The following RCBTB1 variants were observed in gnomAD, a reference collection of about 807,000 sequenced individuals.
RCBTB1 encodes RCC1 and BTB domain-containing protein 1.
RCBTB1 carries 46 observed loss-of-function variants against 62.4 expected under a neutral mutation model. The ratio of observed to expected loss-of-function variants is 0.74; its 90% CI spans 0.58 to 0.94. The LOEUF is 0.94. Ranked by LOEUF, RCBTB1 falls within the 40% of genes least tolerant of loss-of-function variation. RCBTB1 has a pLI of 0.00. For synonymous variants in RCBTB1, 222 were observed against 245.8 expected (o/e 0.90, Z 0.91); for missense variants, 565 against 654.9 (o/e 0.86, Z 1.50).
At chr13:49,557,548 T>TA (rs1374821389) in intron 5 of RCBTB1, among the ~76,000 whole-genome samples, 15 of 146,766 alleles carry the variant, frequency 1.0e-4, no homozygotes, top group South Asian at 2.2e-4. Flanking sequence ...ATGGGGTCAC[T>TA]AAAAAAAAAA....
At chr13:49,560,873 G>T (rs752811095) in intron 4 of RCBTB1, among the ~76,000 whole-genome samples, 6 of 152,130 alleles carry the variant, frequency 3.9e-5, no homozygotes, top group Non-Finnish European at 7.3e-5. Context: ...CCAAATGGGG[G>T]AGACACACAG....
chr13:49,539,835 G>A (rs1407434727), intron 12 of RCBTB1, among the ~76,000 whole-genome samples: 2 of 152,100 alleles, frequency 1.3e-5, no homozygotes, highest in Non-Finnish European at 2.9e-5. Flanking sequence ...TCAGAATATA[G>A]CCTCAAACAA....
At chr13:49,568,451 C>T (rs909571365) in intron 2 of RCBTB1, among the ~76,000 whole-genome samples, 4 of 152,170 alleles carry the variant, frequency 2.6e-5, no homozygotes, top group Non-Finnish European at 5.9e-5. Context: ...AGCTATTTTA[C>T]TGTTACTAGC....
intron 6 of RCBTB1, among the ~76,000 whole-genome samples, chr13:49,552,740 A>G (rs1961488498): frequency 6.6e-6 from 1 of 152,096 alleles, no homozygotes; most frequent in South Asian, 2.1e-4. Context: ...AGATTAAGGA[A>G]GACTTTTCAA....
Position 49,566,775 on chromosome 13 carries a change from A to G in RCBTB1, c.127-7T>C. The G allele has an allele frequency of 6.3e-7, 1 of 1,594,648 alleles. No individual in the cohort carries two copies. Among genetic ancestry groups the G allele is most frequent in the Non-Finnish European group, 8.5e-7 (1 of 1,173,246 alleles). The stretch of plus-strand genomic sequence containing the variant: ...TCAGTCCAAATACAAAGACCTAGAA[A>G]ATAGATAGTTTTTTTTCTGAGTCTT... On this transcript the variant is annotated splice_region_variant and splice_polypyrimidine_tract_variant and intron_variant, in intron 3 of 12. Coordinates refer to ENST00000378302, the MANE Select transcript of RCBTB1 (RefSeq NM_018191.4).
intron 6 of RCBTB1, among the ~76,000 whole-genome samples, chr13:49,555,267 T>G (rs1475487289): frequency 6.6e-6 from 1 of 152,232 alleles, no homozygotes; most frequent in Non-Finnish European, 1.5e-5. Context: ...ATTAGGCTCT[T>G]TGGATCTTGC....
At chr13:49,562,678 T>C (rs1156694066) in intron 4 of RCBTB1, among the ~76,000 whole-genome samples, 2 of 150,478 alleles carry the variant, frequency 1.3e-5, no homozygotes, top group Non-Finnish European at 3.0e-5. Flanking sequence ...AGTGGCGCAA[T>C]CATAGCTCAC....
chr13:49,569,521 G>A (rs61961404), intron 2 of RCBTB1, among the ~76,000 whole-genome samples: 33,759 of 151,874 alleles, frequency 0.22, 4,636 homozygotes, highest in East Asian at 0.55. Context: ...TGACCAGCCT[G>A]GCAAACATAG....
At chr13:49,564,218 G>A (rs1322931983) in intron 4 of RCBTB1, among the ~76,000 whole-genome samples, 2 of 152,168 alleles carry the variant, frequency 1.3e-5, no homozygotes, top group African/African-American at 2.4e-5. Context: ...GAATGCCAGA[G>A]AACAGATGAA....
intron 12 of RCBTB1, among the ~76,000 whole-genome samples, chr13:49,538,903 T>G (rs964970923): frequency 7.9e-5 from 12 of 151,048 alleles, no homozygotes; most frequent in African/African-American, 2.9e-4. Context: ...TTTTTTTTTT[T>G]GAGACAGAGT....
intron 8 of RCBTB1, 35 bp downstream of exon 8, chr13:49,551,291 A>G (rs1961314782): frequency 6.2e-7 from 1 of 1,609,802 alleles, no homozygotes; most frequent in Non-Finnish European, 8.5e-7. Context: ...GCCACATCGC[A>G]CACACAGTCC....
At chr13:49,551,232 G>A in intron 8 of RCBTB1, 94 bp downstream of exon 8, 1 of 1,412,396 alleles carries the variant, frequency 7.1e-7, no homozygotes, top group Non-Finnish European at 9.7e-7. Context: ...TTAATAAACA[G>A]AAGAATCACA....
intron 2 of RCBTB1, among the ~76,000 whole-genome samples, chr13:49,568,955 T>C (rs1034949318): frequency 6.6e-6 from 1 of 152,132 alleles, no homozygotes; most frequent in African/African-American, 2.4e-5. Flanking sequence ...ATCAGAATAA[T>C]TGCAACAATA....
chr13:49,541,776 C>T lies in RCBTB1; in HGVS notation c.1224G>A (p.Lys408=). The T allele has an allele frequency of 6.2e-7, 1 of 1,614,110 alleles. No homozygotes were observed. Among genetic ancestry groups the T allele is most frequent in the Non-Finnish European group, 8.5e-7 (1 of 1,180,004 alleles). Residue 408 remains lysine (K), a synonymous_variant, in exon 11 of 13, where the codon AAG becomes AAA. Transcript: ENST00000378302. ...MFQSYWNEDM[K]EVIEIDQFSY... The stretch of plus-strand genomic sequence containing the variant: ...AAAACTGATCGATTTCTATCACTTC[C>T]TTCATGTCTTCATTCCAATACGACT...
At chr13:49,541,879 G>GA (rs539883749) in intron 10 of RCBTB1, 52 bp from the exon 11 acceptor site, 418 of 1,518,538 alleles carry the variant, frequency 2.8e-4, no homozygotes, top group Middle Eastern at 1.1e-3. Context: ...TTTTAAAAAA[G>GA]AAAAAAAAAT....
At chr13:49,545,381 T>C (rs1230329790) in intron 9 of RCBTB1, among the ~76,000 whole-genome samples, 1 of 152,210 alleles carries the variant, frequency 6.6e-6, no homozygotes, top group Non-Finnish European at 1.5e-5. Context: ...GTATCTGGAA[T>C]CTAAACATCT....
At chr13:49,566,435 C>T (rs147870894) in intron 4 of RCBTB1, among the ~76,000 whole-genome samples, 183 bp downstream of exon 4, 390 of 152,274 alleles carry the variant, frequency 2.6e-3, no homozygotes, top group African/African-American at 8.7e-3. Flanking sequence ...TGCAAGACAT[C>T]CTATAGCTTT....
intron 8 of RCBTB1, among the ~76,000 whole-genome samples, chr13:49,550,057 A>G (rs1396619040): frequency 6.6e-6 from 1 of 151,908 alleles, no homozygotes; most frequent in Non-Finnish European, 1.5e-5. Context: ...TGGCATGACC[A>G]TGGCTCACTG....
intron 6 of RCBTB1, 135 bp downstream of exon 6, chr13:49,555,380 A>C: frequency 1.4e-6 from 1 of 732,904 alleles, no homozygotes; most frequent in East Asian, 2.7e-5. Flanking sequence ...CTCAGTCAGT[A>C]ATCAGTTAAC....
Sources: allele counts gnomAD v4.1 joint callset (sites outside exome capture counted in the v4.1 genomes callset), GRCh38; gene constraint gnomAD v4.1.1; transcripts MANE v1.5; gene names NCBI Gene and HGNC (gene_info 2026-07-23, HGNC 2026-07-21).